The following PCSK5 variants were observed in gnomAD, a reference collection of about 807,000 sequenced individuals.
PCSK5 encodes proprotein convertase subtilisin/kexin type 5, also known as prohormone convertase 5.
In PCSK5, 129 loss-of-function variants were observed where a neutral mutation model predicts 233.2. The ratio of observed to expected loss-of-function variants is 0.55; its 90% CI spans 0.48 to 0.64. The LOEUF is 0.64. Ranked by LOEUF, PCSK5 falls within the 30% of genes least tolerant of loss-of-function variation. PCSK5 has a pLI of 0.00. For missense variants in PCSK5, 2,076 were observed against 2,430.1 expected, an observed-to-expected ratio of 0.85 and a Z score of 3.06; for synonymous variants, 825 against 879.2, an observed-to-expected ratio of 0.94 and a Z score of 1.09.
intron 1 of PCSK5, 34 bp downstream of exon 1, chr9:75,891,407 C>CT: frequency 1.3e-6 from 2 of 1,501,124 alleles, no homozygotes; most frequent in Non-Finnish European, 1.8e-6. Context: ...GCCCTCGGCC[C>CT]TGAAGCCACT....
At chr9:76,050,429 A>C (rs1829581958) in intron 5 of PCSK5, among the ~76,000 whole-genome samples, 1 of 152,230 alleles carries the variant, frequency 6.6e-6, no homozygotes, top group South Asian at 2.1e-4. Context: ...TTCTCTTTAT[A>C]GATCTTTTCT....
Position 76,350,852 on chromosome 9 carries a change from C to T in PCSK5, c.4991C>T (p.Ser1664Phe). The change falls in exon 36 of 38, where the codon TCC becomes TTC. Residue 1664 changes from serine to phenylalanine, a missense_variant. Physicochemically the swap from Ser to Phe is radical, Grantham distance 155 (BLOSUM62 -2). Around this residue, in one of 6 missense-constraint regions of PCSK5, gnomAD observed 1,510 missense variants for 1,538.1 expected, o/e 0.98. Coordinates refer to ENST00000674117, the MANE Select transcript of PCSK5 (RefSeq NM_001372043.1). Reference sequence around the variant, plus strand: ...GGAAAAGGAGCGTTGAATTGTTTATCCTGTGTGTGGAGTTACCACCTCATG... The same window carrying T: ...GGAAAAGGAGCGTTGAATTGTTTATTCTGTGTGTGGAGTTACCACCTCATG... ...CKGKGALNCL[S>F]CVWSYHLMGG... 3 of 1,605,412 alleles carry T rather than the reference C, an allele frequency of 1.9e-6. No homozygotes were observed. Among genetic ancestry groups the T allele is most frequent in the Non-Finnish European group, 2.6e-6 (3 of 1,173,642 alleles).
At chr9:76,291,283 G>A (rs1828268845) in intron 24 of PCSK5, among the ~76,000 whole-genome samples, 3 of 152,060 alleles carry the variant, frequency 2.0e-5, no homozygotes, top group Admixed American at 6.6e-5. Context: ...ACCAGAAGAG[G>A]GCAGAATAGA....
chr9:76,038,767 G>A (rs954458423), intron 5 of PCSK5, among the ~76,000 whole-genome samples: 4 of 152,202 alleles, frequency 2.6e-5, no homozygotes, highest in Non-Finnish European at 5.9e-5. Flanking sequence ...CAGCTCCATT[G>A]ACAACCATGT....
chr9:76,064,223 G>A (rs535875803), intron 5 of PCSK5, among the ~76,000 whole-genome samples: 5 of 103,440 alleles, frequency 4.8e-5, no homozygotes, highest in Admixed American at 9.0e-5. Context: ...GCGGCTGGCC[G>A]GGTGGGGGGC....
chr9:76,225,666 T>G (rs1825866642), intron 20 of PCSK5, among the ~76,000 whole-genome samples: 1 of 152,216 alleles, frequency 6.6e-6, no homozygotes, highest in African/African-American at 2.4e-5. Context: ...TAAAGAAGGC[T>G]GCATAACTAT....
intron 2 of PCSK5, among the ~76,000 whole-genome samples, chr9:75,969,694 G>C (rs1290990716): frequency 6.6e-6 from 1 of 152,086 alleles, no homozygotes. Context: ...ATAGTCACAT[G>C]GTGGACATTC....
At chr9:76,292,911 G>A (rs920089770) in intron 25 of PCSK5, among the ~76,000 whole-genome samples, 1 of 152,190 alleles carries the variant, frequency 6.6e-6, no homozygotes, top group Non-Finnish European at 1.5e-5. Flanking sequence ...TGCATGGGCT[G>A]CATAATCCCT....
intron 30 of PCSK5, among the ~76,000 whole-genome samples, chr9:76,317,765 ACTTG>A (rs1176884296): frequency 6.6e-6 from 1 of 152,152 alleles, no homozygotes; most frequent in Non-Finnish European, 1.5e-5. Flanking sequence ...GCCCGATTGA[ACTTG>A]CCCTTCTACG....
chr9:76,129,054 C>A (rs1258289715), intron 9 of PCSK5, among the ~76,000 whole-genome samples: 3 of 152,102 alleles, frequency 2.0e-5, no homozygotes, highest in Non-Finnish European at 4.4e-5. Context: ...GTATTTTATT[C>A]TTGAATTACC....
At chr9:76,240,541 A>T (rs1171813867) in intron 23 of PCSK5, 75 bp from the exon 24 acceptor site, 4 of 1,007,834 alleles carry the variant, frequency 4.0e-6, no homozygotes, top group Non-Finnish European at 6.1e-6. Flanking sequence ...CTACACACGA[A>T]CATATTTTTG....
chr9:76,335,578 A>G (rs1157370601), intron 34 of PCSK5, among the ~76,000 whole-genome samples: 1 of 152,186 alleles, frequency 6.6e-6, no homozygotes, highest in Non-Finnish European at 1.5e-5. Flanking sequence ...GGGAGGCTCA[A>G]AAGATGAGTC....
intron 5 of PCSK5, among the ~76,000 whole-genome samples, chr9:76,032,809 C>G (rs1828704126): frequency 6.6e-6 from 1 of 152,160 alleles, no homozygotes; most frequent in Non-Finnish European, 1.5e-5. Context: ...ATCAGCCCCT[C>G]CCTAGGTTAC....
chr9:75,926,006 A>G (rs184210793), intron 1 of PCSK5, among the ~76,000 whole-genome samples: 1 of 152,188 alleles, frequency 6.6e-6, no homozygotes, highest in Admixed American at 6.5e-5. Context: ...GTCAACAAGA[A>G]CAATGGTCTT....
rs1054529083 is a variant in PCSK5 at position 76,361,403 on chromosome 9, C to G, written c.*2481C>G. Reference sequence around the variant, plus strand: ...ATAAATAAATAAAATTATCTCCTTGCCAGGACTGCTGGCTCATGCCTGTAA... The same window carrying G: ...ATAAATAAATAAAATTATCTCCTTGGCAGGACTGCTGGCTCATGCCTGTAA... On this transcript the variant is annotated 3_prime_UTR_variant, in exon 38 of 38. Coordinates refer to ENST00000674117, the MANE Select transcript of PCSK5 (RefSeq NM_001372043.1). The G allele has an allele frequency of 2.6e-5, 4 of 152,180 alleles. No individual in the cohort carries two copies. Among genetic ancestry groups the G allele is most frequent in the Non-Finnish European group, 5.9e-5 (4 of 68,054 alleles). The allele number at this position is 152,180 out of a possible 1,614,324, so 9.4% of individuals were successfully genotyped here.
chr9:75,965,807 A>G (rs1273849240), intron 2 of PCSK5, among the ~76,000 whole-genome samples: 2 of 152,226 alleles, frequency 1.3e-5, no homozygotes, highest in Non-Finnish European at 2.9e-5. Context: ...TAATGAATGT[A>G]GAAAGCCAGT....
intron 2 of PCSK5, among the ~76,000 whole-genome samples, chr9:75,954,381 C>T (rs559321416): frequency 6.6e-6 from 1 of 152,252 alleles, no homozygotes; most frequent in East Asian, 1.9e-4. Flanking sequence ...AATGAACATC[C>T]TGGGTGGGAG....
chr9:75,994,503 C>T (rs761880680), intron 3 of PCSK5, among the ~76,000 whole-genome samples: 67 of 142,814 alleles, frequency 4.7e-4, no homozygotes, highest in Non-Finnish European at 8.5e-4. Context: ...TAGCTCACTG[C>T]AACCTCCGCC....
At chr9:76,102,435 T>C (rs1831802486) in intron 8 of PCSK5, among the ~76,000 whole-genome samples, 1 of 152,218 alleles carries the variant, frequency 6.6e-6, no homozygotes, top group African/African-American at 2.4e-5. Context: ...GCAGTGGAGC[T>C]GGTGGTAGAT....
Sources: allele counts gnomAD v4.1 joint callset (sites outside exome capture counted in the v4.1 genomes callset), GRCh38; gene constraint gnomAD v4.1.1; regional missense constraint gnomAD v4.1.1; transcripts MANE v1.5; gene names NCBI Gene and HGNC (gene_info 2026-07-23, HGNC 2026-07-21).